The following PDE3A variants were observed in gnomAD, a reference collection of about 807,000 sequenced individuals.
PDE3A encodes the protein cGMP-inhibited 3',5'-cyclic phosphodiesterase 3A.
In PDE3A, 43 loss-of-function variants were observed where a neutral mutation model predicts 98.3. The observed-to-expected ratio is 0.44, with a 90% CI of 0.34 to 0.56. PDE3A has a LOEUF of 0.56. PDE3A is among the 20% of genes least tolerant of loss of function. The pLI, the probability that PDE3A is intolerant of heterozygous loss-of-function variation, is 0.01. For missense variants in PDE3A, 1,427 were observed against 1,440.7 expected (o/e 0.99, Z 0.15); for synonymous variants, 663 against 567.9 (o/e 1.17, Z -2.38).
Position 20,683,347 on chromosome 12 carries a change from T to A in PDE3A, c.*3076T>A, listed in dbSNP as rs1187849985. The A allele has an allele frequency of 6.6e-6, 1 of 152,202 alleles. No homozygotes were observed. The highest frequency in any genetic ancestry group is 2.4e-5 in the African/African-American group (1 of 41,448). The allele number at this position is 152,202 out of a possible 1,614,324, so 9.4% of individuals were successfully genotyped here. A position where few individuals can be genotyped will look rare whatever the true frequency, so the allele number is the denominator to read the frequency against. On this transcript the variant is annotated 3_prime_UTR_variant, in exon 16 of 16. Transcript: ENST00000359062. Reference sequence around the variant, plus strand: ...TTACTACATTTTTATATGAGCCTATTTATAGGTGCCATTAAACTCAGGTCT... The same window carrying A: ...TTACTACATTTTTATATGAGCCTATATATAGGTGCCATTAAACTCAGGTCT...
chr12:20,584,031 C>T (rs114655808), intron 2 of PDE3A, among the ~76,000 whole-genome samples: 11 of 152,212 alleles, frequency 7.2e-5, no homozygotes, highest in Non-Finnish European at 1.5e-4. Flanking sequence ...AAGTTCTAGA[C>T]GCACCTACTG....
Position 20,474,128 on chromosome 12 carries a change from A to G in PDE3A, c.961-82532A>G, listed in dbSNP as rs558273275. Among the ~76,000 whole-genome samples the G allele has an allele frequency of 2.6e-5, 4 of 152,302 alleles. No individual in the cohort carries two copies. The South Asian group carries it at 6.2e-4, about 24-fold the overall frequency. On this transcript the variant is annotated intron_variant, in intron 1 of 15. Transcript: ENST00000359062. ...AGGGTGGGTGAATTCTAGTTGTCCT[A>G]TATACCGACAAATATGATGGGTGTA...
At chr12:20,564,055 C>T (rs142521353) in intron 2 of PDE3A, among the ~76,000 whole-genome samples, 12 of 152,202 alleles carry the variant, frequency 7.9e-5, no homozygotes, top group African/African-American at 2.9e-4. Context: ...ACAATGTCCA[C>T]AGCACACACA....
At chr12:20,678,041 G>A (rs1286757664) in intron 15 of PDE3A, among the ~76,000 whole-genome samples, 1 of 152,162 alleles carries the variant, frequency 6.6e-6, no homozygotes, top group East Asian at 1.9e-4. Flanking sequence ...TCAGGACTTG[G>A]TGGATATGTG....
At chr12:20,459,547 A>C (rs1945212389) in intron 1 of PDE3A, among the ~76,000 whole-genome samples, 1 of 152,204 alleles carries the variant, frequency 6.6e-6, no homozygotes, top group South Asian at 2.1e-4. Flanking sequence ...CTAGTGATAT[A>C]TGAAGAAAAA....
At chr12:20,472,331 G>A (rs778726068) in intron 1 of PDE3A, among the ~76,000 whole-genome samples, 24 of 152,038 alleles carry the variant, frequency 1.6e-4, no homozygotes, top group African/African-American at 5.6e-4. Context: ...AAATCTCTAC[G>A]GTCTGATAGT....
rs943015713 is a variant in PDE3A, at chr12:20,552,699, C to G, written c.961-3961C>G. 3.1e-6 allele frequency: 5 copies of G among 1,613,896 alleles called. No individual in the cohort carries two copies. The African/African-American group carries it at 4.0e-5, about 13-fold the overall frequency. On this transcript the variant is annotated intron_variant, in intron 1 of 15. Transcript: ENST00000359062. The surrounding 1 kb of genome is among the most constrained non-coding windows in gnomAD (Gnocchi z 5.1). ...GCCTCATCAGAGAGGACAAGAGCAA[C>G]GCCAAGCTGTGGAATGAGGTCCTGG...
At chr12:20,414,546 G>A (rs796650192) in intron 1 of PDE3A, among the ~76,000 whole-genome samples, 3 of 152,270 alleles carry the variant, frequency 2.0e-5, no homozygotes, top group African/African-American at 7.2e-5. Flanking sequence ...TATATATTGC[G>A]AAGGTGTCAA....
At chr12:20,616,128 G>A in intron 3 of PDE3A, 102 bp from the exon 4 acceptor site, 1 of 1,035,048 alleles carries the variant, frequency 9.7e-7, no homozygotes, top group South Asian at 1.8e-5. Context: ...ATGTAATTTA[G>A]TCAATTCACT....
At chr12:20,463,397 A>G (rs1591958592) in intron 1 of PDE3A, among the ~76,000 whole-genome samples, 1 of 152,254 alleles carries the variant, frequency 6.6e-6, no homozygotes, top group Non-Finnish European at 1.5e-5. Context: ...TTTTTGCAAT[A>G]TTAAGTATAT....
At position 20,533,337 on chromosome 12, in the gene PDE3A, T is replaced by C. The variant is rs139802833; in HGVS notation, c.961-23323T>C. On this transcript the variant is annotated intron_variant, in intron 1 of 15. Transcript: ENST00000359062. ...GAAATGGTTATCCATGTTCCCTATCTCCTCCATTCCTATTGTCTCTGCCTT... is the reference window on the plus strand; with the variant it reads ...GAAATGGTTATCCATGTTCCCTATCCCCTCCATTCCTATTGTCTCTGCCTT... Among the ~76,000 whole-genome samples the C allele has an allele frequency of 4.6e-3, 694 of 152,112 alleles. 8 individuals carry two copies. The highest frequency in any genetic ancestry group is 0.016 in the African/African-American group (656 of 41,512).
At chr12:20,398,335 T>C (rs1460512335) in intron 1 of PDE3A, among the ~76,000 whole-genome samples, 2 of 149,734 alleles carry the variant, frequency 1.3e-5, no homozygotes, top group Non-Finnish European at 3.0e-5. Context: ...TTATGGGTAA[T>C]AGCGATAAAT....
intron 1 of PDE3A, among the ~76,000 whole-genome samples, chr12:20,542,095 G>A (rs868147730): frequency 2.0e-5 from 3 of 152,040 alleles, no homozygotes; most frequent in African/African-American, 4.8e-5. Context: ...GCTGATTGGG[G>A]AGTAAGAAAT....
intron 1 of PDE3A, among the ~76,000 whole-genome samples, chr12:20,442,847 T>A (rs1944891941): frequency 6.6e-6 from 1 of 152,154 alleles, no homozygotes; most frequent in Admixed American, 6.5e-5. Flanking sequence ...TTCATGGCCA[T>A]GGCACAAAAA....
At chr12:20,635,300 C>T (rs956607491) in intron 8 of PDE3A, among the ~76,000 whole-genome samples, 1 of 152,136 alleles carries the variant, frequency 6.6e-6, no homozygotes, top group African/African-American at 2.4e-5. Context: ...GGTGCAGTGG[C>T]TCACGCCTGT....
At chr12:20,392,003 G>A (rs1039270717) in intron 1 of PDE3A, among the ~76,000 whole-genome samples, 23 of 151,892 alleles carry the variant, frequency 1.5e-4, no homozygotes, top group South Asian at 8.3e-4. Flanking sequence ...TAATTTTGTC[G>A]TATGCCTACT....
chr12:20,406,985 T>A (rs756834272), intron 1 of PDE3A, among the ~76,000 whole-genome samples: 107 of 152,320 alleles, frequency 7.0e-4, no homozygotes, highest in Non-Finnish European at 9.3e-4. Context: ...GTGCCCTTGT[T>A]AAGGATTAGG....
At chr12:20,591,846 T>C (rs1281696962) in intron 2 of PDE3A, among the ~76,000 whole-genome samples, 1 of 152,204 alleles carries the variant, frequency 6.6e-6, no homozygotes, top group African/African-American at 2.4e-5. Flanking sequence ...ATAATCGTGG[T>C]GGCTGTCCAG....
At chr12:20,674,042 T>A (rs1225790813) in intron 15 of PDE3A, among the ~76,000 whole-genome samples, 2 of 152,058 alleles carry the variant, frequency 1.3e-5, no homozygotes, top group Non-Finnish European at 2.9e-5. Context: ...TCTTTATCCA[T>A]CTTGGTTAAA....
Sources: allele counts gnomAD v4.1 joint callset (sites outside exome capture counted in the v4.1 genomes callset), GRCh38; gene constraint gnomAD v4.1.1; non-coding constraint Gnocchi (gnomAD v3.1); transcripts MANE v1.5; gene names NCBI Gene and HGNC (gene_info 2026-07-23, HGNC 2026-07-21).